THSD4: variants seen among roughly 807,000 people sequenced by gnomAD.
THSD4 encodes the protein thrombospondin type 1 domain containing 4.
In THSD4, 69 loss-of-function variants were observed where a neutral mutation model predicts 119.0. That is an observed-to-expected ratio of 0.58 (90% CI 0.48 to 0.71). THSD4 has a LOEUF of 0.71. THSD4 is among the 30% of genes least tolerant of loss of function. The probability of loss-of-function intolerance (pLI) is 0.00; values close to 1 mark genes in which losing one functional copy is unlikely to be tolerated. For missense variants in THSD4, 1,393 were observed against 1,391.1 expected, an observed-to-expected ratio of 1.00 and a Z score of -0.02; for synonymous variants, 524 against 540.4, an observed-to-expected ratio of 0.97 and a Z score of 0.42.
In THSD4 at chr15:71,440,359, T is replaced by C. The variant is rs575100064; in HGVS notation, c.1152+28536T>C. 2.6e-5 allele frequency among the ~76,000 whole-genome samples: 4 copies of C among 152,334 alleles called. No homozygotes were observed. The South Asian group carries it at 8.3e-4, about 32-fold the overall frequency. ...AGTTTCAAGTCAGTTTCTAAAGGCC[T>C]AATTTAAATACTTCACACATACAAT... On this transcript the variant is annotated intron_variant, in intron 7 of 17. Transcript: ENST00000261862.
At chr15:71,716,457 G>A (rs879643064) in intron 8 of THSD4, among the ~76,000 whole-genome samples, 4 of 152,120 alleles carry the variant, frequency 2.6e-5, no homozygotes, top group East Asian at 1.9e-4. Context: ...CAGTGCAATC[G>A]TGCTGTAGGA....
At chr15:71,570,630 C>A (rs1379369839) in intron 7 of THSD4, among the ~76,000 whole-genome samples, 2 of 152,158 alleles carry the variant, frequency 1.3e-5, no homozygotes, top group East Asian at 3.9e-4. Context: ...TTTTACACTA[C>A]TTCATAATCT....
At chr15:71,126,733 A>G (rs2040459568) in intron 1 of THSD4, among the ~76,000 whole-genome samples, 1 of 152,224 alleles carries the variant, frequency 6.6e-6, no homozygotes, top group Non-Finnish European at 1.5e-5. Flanking sequence ...AGAAAATATA[A>G]ATGAGAAGTC....
At chr15:71,496,681 G>T (rs1266205787) in intron 7 of THSD4, among the ~76,000 whole-genome samples, 1 of 152,180 alleles carries the variant, frequency 6.6e-6, no homozygotes, top group Non-Finnish European at 1.5e-5. Flanking sequence ...ACGGGAAAGG[G>T]TGGAAACTAT....
intron 6 of THSD4, among the ~76,000 whole-genome samples, chr15:71,359,557 C>T (rs2140417690): frequency 6.6e-6 from 1 of 152,258 alleles, no homozygotes; most frequent in South Asian, 2.1e-4. Flanking sequence ...CCCGTAATCC[C>T]AGCACTTTGG....
chr15:71,382,840 TA>T (rs1382847159), intron 6 of THSD4, among the ~76,000 whole-genome samples: 1 of 152,196 alleles, frequency 6.6e-6, no homozygotes, highest in Non-Finnish European at 1.5e-5. Context: ...TATACTGTAT[TA>T]AAAAATGCAG....
chr15:71,586,742 G>T (rs928517840), intron 7 of THSD4, among the ~76,000 whole-genome samples: 2 of 152,166 alleles, frequency 1.3e-5, no homozygotes, highest in African/African-American at 4.8e-5. Context: ...CACATTCACA[G>T]TCGTGGGATT....
intron 7 of THSD4, among the ~76,000 whole-genome samples, chr15:71,619,912 C>G (rs1435913466): frequency 6.6e-6 from 1 of 152,180 alleles, no homozygotes; most frequent in African/African-American, 2.4e-5. Flanking sequence ...TTCTGTTCAG[C>G]TAGTATATAT....
intron 7 of THSD4, among the ~76,000 whole-genome samples, chr15:71,645,172 G>A (rs1368176127): frequency 1.3e-5 from 2 of 152,176 alleles, no homozygotes; most frequent in Non-Finnish European, 2.9e-5. Flanking sequence ...AGGAAAGATG[G>A]TCTTGGGGTG....
At chr15:71,480,333 C>T (rs2047711405) in intron 7 of THSD4, among the ~76,000 whole-genome samples, 1 of 152,166 alleles carries the variant, frequency 6.6e-6, no homozygotes, top group Non-Finnish European at 1.5e-5. Context: ...CCACCATGCC[C>T]CGCCACTTTT....
chr15:71,587,773 T>TA (rs529447946), intron 7 of THSD4, among the ~76,000 whole-genome samples: 33,076 of 75,526 alleles, frequency 0.44, 6,728 homozygotes, highest in Non-Finnish European at 0.55. Flanking sequence ...TAGAGTATAA[T>TA]AAAAAAAAAA....
intron 6 of THSD4, among the ~76,000 whole-genome samples, chr15:71,401,618 A>T (rs1336424768): frequency 6.6e-6 from 1 of 152,130 alleles, no homozygotes; most frequent in Non-Finnish European, 1.5e-5. Context: ...GCTAGAGAGG[A>T]TGTGGAGAAA....
At chr15:71,653,487 G>A (rs1374451806) in intron 7 of THSD4, among the ~76,000 whole-genome samples, 1 of 151,752 alleles carries the variant, frequency 6.6e-6, no homozygotes, top group Non-Finnish European at 1.5e-5. Flanking sequence ...ACACTGAGAG[G>A]GATGCTCCTG....
chr15:71,672,561 G>A (rs889791232), intron 8 of THSD4, among the ~76,000 whole-genome samples: 6 of 152,166 alleles, frequency 3.9e-5, no homozygotes, highest in African/African-American at 1.2e-4. Flanking sequence ...TCCCTGTCTT[G>A]TGCCAGTTTT....
chr15:71,180,092 T>C lies in THSD4; in HGVS notation c.99+25160T>C, dbSNP rs1469160287. On this transcript the variant is annotated intron_variant, in intron 3 of 17. Transcript: ENST00000261862. The stretch of plus-strand genomic sequence containing the variant: ...CACCAGCATGGCACATGTATACATA[T>C]GTAACTAACCTGCACAATGTGCACA... Among the ~76,000 whole-genome samples, 10 of 133,022 alleles carry C rather than the reference T, an allele frequency of 7.5e-5. No individual in the cohort carries two copies. The East Asian group carries it at 2.1e-3, about 29-fold the overall frequency. The allele number at this position is 133,022 out of a possible 152,430, so 87.3% of individuals were successfully genotyped here.
intron 7 of THSD4, among the ~76,000 whole-genome samples, chr15:71,559,043 A>G (rs1245331515): frequency 6.6e-6 from 1 of 152,144 alleles, no homozygotes; most frequent in Non-Finnish European, 1.5e-5. Flanking sequence ...AACATTCTTG[A>G]TAATTGGTTC....
At chr15:71,698,258 T>C (rs2052208179) in intron 8 of THSD4, among the ~76,000 whole-genome samples, 1 of 152,186 alleles carries the variant, frequency 6.6e-6, no homozygotes, top group African/African-American at 2.4e-5. Flanking sequence ...TGGAATGTAG[T>C]CAGCTGGGTG....
At chr15:71,478,211 C>CATCA in intron 7 of THSD4, among the ~76,000 whole-genome samples, 1 of 152,302 alleles carries the variant, frequency 6.6e-6, no homozygotes, top group Non-Finnish European at 1.5e-5. Context: ...TTATAGCTTA[C>CATCA]ATCAGAAAGC....
intron 6 of THSD4, among the ~76,000 whole-genome samples, chr15:71,325,712 G>T (rs534914978): frequency 1.3e-5 from 2 of 152,220 alleles, no homozygotes; most frequent in South Asian, 2.1e-4. Context: ...TGTGATTGAG[G>T]CTCAGCTATT....
Sources: gnomAD v4.1 joint callset for allele counts (sites outside exome capture counted in the v4.1 genomes callset) on GRCh38, gnomAD v4.1.1 for gene constraint, MANE v1.5 for transcripts, NCBI Gene and HGNC (gene_info 2026-07-23, HGNC 2026-07-21) for gene names.